Variants in ARHGAP15 observed in about 807,000 individuals in gnomAD.
The protein encoded by ARHGAP15 is Rho GTPase activating protein 15, also known as rho GTPase-activating protein 15.
A neutral mutation model predicts 63.7 loss-of-function variants in ARHGAP15; 51 were observed. That is an observed-to-expected ratio of 0.80 (90% confidence interval 0.64 to 1.01). ARHGAP15 has a LOEUF of 1.01. ARHGAP15 is among the 50% of genes least tolerant of loss of function. The probability of loss-of-function intolerance (pLI) is 0.00; values close to 1 mark genes in which losing one functional copy is unlikely to be tolerated. For synonymous variants in ARHGAP15, 191 were observed against 193.8 expected (o/e 0.99, Z 0.12); for missense variants, 560 against 564.6 (o/e 0.99, Z 0.08).
intron 6 of ARHGAP15, among the ~76,000 whole-genome samples, chr2:143,419,732 G>A (rs1558959049): frequency 6.6e-6 from 1 of 150,918 alleles, no homozygotes; most frequent in Admixed American, 6.6e-5. Flanking sequence ...ATACTAAGAG[G>A]GATATTTTGA....
intron 6 of ARHGAP15, among the ~76,000 whole-genome samples, chr2:143,363,239 C>A (rs893214360): frequency 6.6e-6 from 1 of 152,226 alleles, no homozygotes; most frequent in Non-Finnish European, 1.5e-5. Flanking sequence ...CCTACTGTTT[C>A]TTCTGTCTAG....
intron 9 of ARHGAP15, among the ~76,000 whole-genome samples, chr2:143,503,721 G>A (rs376862753): frequency 6.6e-6 from 1 of 152,166 alleles, no homozygotes; most frequent in Non-Finnish European, 1.5e-5. Context: ...AACACTCTGT[G>A]TGCCTAGACT....
At chr2:143,228,728 G>T in intron 5 of ARHGAP15, 60 bp downstream of exon 5, 1 of 1,326,542 alleles carries the variant, frequency 7.5e-7, no homozygotes, top group African/African-American at 1.5e-5. Flanking sequence ...AGAATTAAAA[G>T]TTTGGTTTTA....
At chr2:143,323,924 C>T (rs1361823784) in intron 6 of ARHGAP15, among the ~76,000 whole-genome samples, 1 of 54,616 alleles carries the variant, frequency 1.8e-5, no homozygotes, top group Non-Finnish European at 3.7e-5. Context: ...AAAAAAAAAA[C>T]ACCTAAATAG....
chr2:143,345,078 C>T (rs756108297), intron 6 of ARHGAP15, among the ~76,000 whole-genome samples: 2 of 152,074 alleles, frequency 1.3e-5, no homozygotes, highest in Non-Finnish European at 2.9e-5. Flanking sequence ...TGATCATTTA[C>T]CACATTTTTT....
intron 9 of ARHGAP15, among the ~76,000 whole-genome samples, chr2:143,488,859 TAA>T (rs1692443624): frequency 6.6e-6 from 1 of 152,150 alleles, no homozygotes; most frequent in African/African-American, 2.4e-5. Flanking sequence ...GATTTAAGGG[TAA>T]AACGAGGACC....
intron 2 of ARHGAP15, among the ~76,000 whole-genome samples, chr2:143,185,278 C>A (rs973807836): frequency 2.0e-5 from 3 of 152,138 alleles, no homozygotes; most frequent in African/African-American, 7.2e-5. Context: ...TAATCTTTTT[C>A]TCTTTAATTT....
At chr2:143,689,245 A>C (rs1683486049) in intron 12 of ARHGAP15, among the ~76,000 whole-genome samples, 1 of 152,166 alleles carries the variant, frequency 6.6e-6, no homozygotes, top group African/African-American at 2.4e-5. Context: ...TTTAGTTTTC[A>C]CACTGTCCTT....
rs1458687435 is a variant in ARHGAP15 at position 143,407,997 on chromosome 2, A to G, written c.475-27604A>G. Among the ~76,000 whole-genome samples, 391 of 65,356 alleles carry G rather than the reference A, an allele frequency of 6.0e-3. 3 individuals are homozygous for G. The highest frequency in any genetic ancestry group is 0.022 in the African/African-American group (301 of 13,714). The allele number at this position is 65,356 out of a possible 152,430, so 42.9% of individuals were successfully genotyped here. A position where few individuals can be genotyped will look rare whatever the true frequency, so the allele number is the denominator to read the frequency against. On this transcript the variant is annotated intron_variant, in intron 6 of 13. Transcript: ENST00000295095. ...CTGACTTCTGTGTGTGTATATATAT[A>G]TATATATATATATATATATATATAT...
chr2:143,746,127 GATT>G (rs1195688192), intron 13 of ARHGAP15, among the ~76,000 whole-genome samples: 4 of 151,950 alleles, frequency 2.6e-5, no homozygotes, highest in Admixed American at 2.6e-4. Context: ...ATATTATTTG[GATT>G]ATGTAGAAAT....
At chr2:143,613,242 TTAA>T (rs1698328059) in intron 11 of ARHGAP15, among the ~76,000 whole-genome samples, 1 of 152,222 alleles carries the variant, frequency 6.6e-6, no homozygotes, top group African/African-American at 2.4e-5. Context: ...AGGTCAATTA[TTAA>T]TAATACATTG....
intron 8 of ARHGAP15, among the ~76,000 whole-genome samples, chr2:143,487,159 T>G (rs1183378703): frequency 1.3e-5 from 2 of 152,218 alleles, no homozygotes; most frequent in Non-Finnish European, 2.9e-5. Context: ...TATATGGAAC[T>G]AATCCCATTC....
At chr2:143,274,247 C>T (rs1681435665) in intron 6 of ARHGAP15, among the ~76,000 whole-genome samples, 1 of 152,092 alleles carries the variant, frequency 6.6e-6, no homozygotes, top group South Asian at 2.1e-4. Context: ...TAAGTCCTGG[C>T]TGTCTTTAAA....
At chr2:143,285,715 G>A (rs1366681772) in intron 6 of ARHGAP15, among the ~76,000 whole-genome samples, 7 of 152,042 alleles carry the variant, frequency 4.6e-5, no homozygotes, top group Non-Finnish European at 1.0e-4. Context: ...TCAGATTTTA[G>A]CACAAGCATT....
chr2:143,422,687 G>A (rs1450508762), intron 6 of ARHGAP15, among the ~76,000 whole-genome samples: 2 of 152,078 alleles, frequency 1.3e-5, no homozygotes, highest in Non-Finnish European at 2.9e-5. Flanking sequence ...GATTACATGT[G>A]TAACAATTCA....
chr2:143,244,806 A>T (rs1374427483), intron 5 of ARHGAP15, among the ~76,000 whole-genome samples: 3 of 152,214 alleles, frequency 2.0e-5, no homozygotes, highest in Non-Finnish European at 4.4e-5. Context: ...CAGAGGCAAG[A>T]GGTAGAAGAA....
intron 6 of ARHGAP15, among the ~76,000 whole-genome samples, chr2:143,403,827 T>C (rs1477260366): frequency 6.6e-6 from 1 of 151,882 alleles, no homozygotes; most frequent in Non-Finnish European, 1.5e-5. Flanking sequence ...GTTTCTATTA[T>C]GAGTATATGA....
At chr2:143,237,205 GT>G (rs1489605588) in intron 5 of ARHGAP15, 1 of 152,070 alleles carries the variant, frequency 6.6e-6, no homozygotes, top group Non-Finnish European at 1.5e-5. Flanking sequence ...TTAATTTTGT[GT>G]ATATATAACT....
chr2:143,442,262 T>C (rs1379376232), intron 8 of ARHGAP15, among the ~76,000 whole-genome samples: 8 of 152,202 alleles, frequency 5.3e-5, no homozygotes, highest in Admixed American at 3.3e-4. Context: ...TGGTATGTTT[T>C]CACAAGGAAA....
Sources: gnomAD v4.1 joint callset for allele counts (sites outside exome capture counted in the v4.1 genomes callset) on GRCh38, gnomAD v4.1.1 for gene constraint, MANE v1.5 for transcripts, NCBI Gene and HGNC (gene_info 2026-07-23, HGNC 2026-07-21) for gene names.